Variants in RAB3B observed in about 807,000 individuals in gnomAD.
RAB3B encodes RAB3B, member RAS oncogene family.
In RAB3B, 11 loss-of-function variants were observed where a neutral mutation model predicts 20.5. That is an observed-to-expected ratio of 0.54 (90% CI 0.34 to 0.89). RAB3B has a LOEUF of 0.89. Ranked by LOEUF, RAB3B falls within the 40% of genes least tolerant of loss-of-function variation. The pLI is 0.02. For synonymous variants in RAB3B, 99 were observed against 106.3 expected (o/e 0.93, Z 0.42); for missense variants, 225 against 280.9 (o/e 0.80, Z 1.42).
At chr1:51,965,387 G>A (rs1036657864) in intron 2 of RAB3B, among the ~76,000 whole-genome samples, 6 of 152,064 alleles carry the variant, frequency 3.9e-5, no homozygotes, top group Non-Finnish European at 7.4e-5. Flanking sequence ...GGTGGCTTAC[G>A]CCTGTAATCC....
chr1:51,969,229 C>T (rs566293409), intron 2 of RAB3B, among the ~76,000 whole-genome samples: 3 of 152,076 alleles, frequency 2.0e-5, no homozygotes, highest in African/African-American at 2.4e-5. Flanking sequence ...CCCAGGAGGT[C>T]GAGGCTGCAG....
Position 51,916,955 on chromosome 1 carries a change from C to T in RAB3B, c.*2972G>A, listed in dbSNP as rs1481157103. The T allele has an allele frequency of 2.0e-5, 3 of 152,196 alleles. No homozygotes were observed. Among genetic ancestry groups the T allele is most frequent in the Admixed American group, 6.5e-5 (1 of 15,282 alleles). 9.4% of individuals were successfully genotyped at this position (152,196 alleles called of 1,614,324 possible). Reference sequence around the variant, plus strand: ...CTCTCTTGGTATGTGATCCAAGTCTCGTAATCTCTCTGGATCATAGTTTGT... The same window carrying T: ...CTCTCTTGGTATGTGATCCAAGTCTTGTAATCTCTCTGGATCATAGTTTGT... On this transcript the variant is annotated 3_prime_UTR_variant, in exon 5 of 5. Transcript: ENST00000371655.
intron 1 of RAB3B, chr1:51,980,696 C>G (rs1685074668): frequency 1.3e-6 from 1 of 755,938 alleles, no homozygotes; most frequent in Admixed American, 1.7e-5. Flanking sequence ...CATTACTATG[C>G]GAGTTGTGCA....
At chr1:51,959,635 A>T (rs1371862937) in intron 2 of RAB3B, among the ~76,000 whole-genome samples, 3 of 151,922 alleles carry the variant, frequency 2.0e-5, no homozygotes, top group Non-Finnish European at 4.4e-5. Context: ...GAAGAGCCTA[A>T]GGAGACACGA....
intron 4 of RAB3B, among the ~76,000 whole-genome samples, chr1:51,927,658 ATGG>A (rs1684261999): frequency 6.6e-6 from 1 of 152,180 alleles, no homozygotes; most frequent in Non-Finnish European, 1.5e-5. Flanking sequence ...TTAGCTGGGC[ATGG>A]TGGTGCATGC....
chr1:51,926,204 G>T (rs1408836506), intron 4 of RAB3B, among the ~76,000 whole-genome samples: 1 of 152,192 alleles, frequency 6.6e-6, no homozygotes, highest in Non-Finnish European at 1.5e-5. Flanking sequence ...CCCAAAGAAG[G>T]TTATAATTAT....
At chr1:51,944,303 T>C (rs1042282959) in intron 2 of RAB3B, among the ~76,000 whole-genome samples, 1 of 152,192 alleles carries the variant, frequency 6.6e-6, no homozygotes, top group Non-Finnish European at 1.5e-5. Flanking sequence ...AAAATATTCC[T>C]TTCATAATAT....
intron 2 of RAB3B, among the ~76,000 whole-genome samples, chr1:51,970,325 G>A (rs144507945): frequency 2.6e-5 from 4 of 152,198 alleles, no homozygotes; most frequent in Admixed American, 2.0e-4. Context: ...ATCCGTTGCT[G>A]TGGAGTTACC....
intron 2 of RAB3B, among the ~76,000 whole-genome samples, chr1:51,938,196 A>G (rs1684438292): frequency 1.3e-5 from 2 of 151,916 alleles, no homozygotes; most frequent in East Asian, 3.9e-4. Flanking sequence ...CCCATGATTG[A>G]TAAGCATGCA....
chr1:51,979,919 T>C (rs1007075679), intron 1 of RAB3B, among the ~76,000 whole-genome samples: 5 of 151,676 alleles, frequency 3.3e-5, no homozygotes, highest in Admixed American at 6.6e-5. Flanking sequence ...GGCGGGTGCC[T>C]GTAGTCCCAG....
chr1:51,963,334 A>G (rs1684807299), intron 2 of RAB3B, among the ~76,000 whole-genome samples: 1 of 151,962 alleles, frequency 6.6e-6, no homozygotes. Context: ...TCTTGGCCCA[A>G]CTTGAATTCT....
intron 1 of RAB3B, among the ~76,000 whole-genome samples, chr1:51,984,957 G>A (rs1018915935): frequency 1.3e-5 from 2 of 152,250 alleles, no homozygotes; most frequent in Admixed American, 6.5e-5. Flanking sequence ...GCTAACAGCC[G>A]AGACTAGACT....
intron 3 of RAB3B, among the ~76,000 whole-genome samples, chr1:51,933,981 A>G (rs189249550): frequency 2.0e-5 from 3 of 152,254 alleles, no homozygotes; most frequent in African/African-American, 7.2e-5. Flanking sequence ...CCCTAGCTGC[A>G]AACCTCATCC....
At chr1:51,961,798 T>A (rs1386389034) in intron 2 of RAB3B, among the ~76,000 whole-genome samples, 3 of 152,070 alleles carry the variant, frequency 2.0e-5, no homozygotes, top group Admixed American at 6.6e-5. Context: ...TTTGAGACAG[T>A]CTCGCTCTGT....
At chr1:51,984,151 C>T (rs1414465448) in intron 1 of RAB3B, among the ~76,000 whole-genome samples, 1 of 149,848 alleles carries the variant, frequency 6.7e-6, no homozygotes, top group Non-Finnish European at 1.5e-5. Context: ...GTAATCCCAG[C>T]TACTCTGGAG....
chr1:51,955,790 G>A (rs555008874), intron 2 of RAB3B, among the ~76,000 whole-genome samples: 2 of 152,246 alleles, frequency 1.3e-5, no homozygotes, highest in Non-Finnish European at 2.9e-5. Flanking sequence ...GACTTAACTA[G>A]ATAGAGAAAT....
At chr1:51,944,280 C>G (rs1398206978) in intron 2 of RAB3B, among the ~76,000 whole-genome samples, 4 of 152,094 alleles carry the variant, frequency 2.6e-5, no homozygotes, top group Middle Eastern at 3.2e-3. Context: ...TTGTTGAAAC[C>G]CACTCTCAGG....
At chr1:51,944,298 A>G (rs1167975072) in intron 2 of RAB3B, among the ~76,000 whole-genome samples, 1 of 152,226 alleles carries the variant, frequency 6.6e-6, no homozygotes, top group Non-Finnish European at 1.5e-5. Flanking sequence ...AGGAAAAAAT[A>G]TTCCTTTCAT....
At chr1:51,929,839 C>A (rs1022017361) in intron 4 of RAB3B, among the ~76,000 whole-genome samples, 2 of 152,150 alleles carry the variant, frequency 1.3e-5, no homozygotes. Context: ...GTAAGGATTG[C>A]AGCTGTTTGT....
Sources: allele counts gnomAD v4.1 joint callset (sites outside exome capture counted in the v4.1 genomes callset), GRCh38; gene constraint gnomAD v4.1.1; transcripts MANE v1.5; gene names NCBI Gene and HGNC (gene_info 2026-07-23, HGNC 2026-07-21).